The following AFF3 variants were observed in gnomAD, a reference collection of about 807,000 sequenced individuals.
The protein encoded by AFF3 is ALF transcription elongation factor 3.
AFF3 carries 32 observed loss-of-function variants against 129.7 expected under a neutral mutation model. That is an observed-to-expected ratio of 0.25 (90% CI 0.19 to 0.33). The LOEUF (loss-of-function observed/expected upper bound fraction) is 0.33, where lower values mean the gene tolerates loss of function less well. Ranked by LOEUF, AFF3 falls within the 10% of genes least tolerant of loss-of-function variation. The probability of loss-of-function intolerance (pLI) is 1.00; values close to 1 mark genes in which losing one functional copy is unlikely to be tolerated. For synonymous variants in AFF3, 644 were observed against 635.4 expected (o/e 1.01, Z -0.20); for missense variants, 1,373 against 1,592.0 (o/e 0.86, Z 2.34).
chr2:99,795,470 A>G (rs1685495552), intron 8 of AFF3, among the ~76,000 whole-genome samples: 1 of 152,148 alleles, frequency 6.6e-6, no homozygotes, highest in South Asian at 2.1e-4. Context: ...CAGATGGTGG[A>G]TACACTAAAC....
intron 8 of AFF3, among the ~76,000 whole-genome samples, chr2:99,779,224 G>A (rs566972430): frequency 6.6e-6 from 1 of 152,200 alleles, no homozygotes; most frequent in South Asian, 2.1e-4. Context: ...TTTGTTGGGT[G>A]TTTTTATCAT....
intron 11 of AFF3, among the ~76,000 whole-genome samples, chr2:99,674,438 C>T (rs1687436100): frequency 1.3e-5 from 2 of 152,178 alleles, no homozygotes; most frequent in South Asian, 4.1e-4. Context: ...GAGGCCCCTT[C>T]CCCAAGACTG....
chr2:99,891,152 G>A (rs944457195), intron 7 of AFF3, among the ~76,000 whole-genome samples: 3 of 152,102 alleles, frequency 2.0e-5, no homozygotes, highest in African/African-American at 7.2e-5. Context: ...TGAGTAAGTA[G>A]GTTTAGGATT....
intron 10 of AFF3, among the ~76,000 whole-genome samples, chr2:99,731,007 G>A (rs1450714653): frequency 1.3e-5 from 2 of 152,094 alleles, no homozygotes; most frequent in Non-Finnish European, 2.9e-5. Flanking sequence ...AGACTGGAGT[G>A]CAGTGGTGCA....
At chr2:100,066,617 G>C (rs766331222) in intron 4 of AFF3, among the ~76,000 whole-genome samples, 7 of 152,048 alleles carry the variant, frequency 4.6e-5, no homozygotes, top group Non-Finnish European at 8.8e-5. Flanking sequence ...CAGCAGTGAG[G>C]TTCTGGCAGA....
intron 8 of AFF3, among the ~76,000 whole-genome samples, chr2:99,812,579 C>T (rs1403635683): frequency 6.6e-6 from 1 of 152,160 alleles, no homozygotes; most frequent in African/African-American, 2.4e-5. Flanking sequence ...GAGGAAACTA[C>T]ATAAATGTAA....
Position 99,673,219 on chromosome 2 carries a change from A to G in AFF3, c.1092-630T>C, listed in dbSNP as rs117600135. 2.6e-3 allele frequency among the ~76,000 whole-genome samples: 403 copies of G among 152,122 alleles called. 8 individuals carry two copies. In the East Asian group the frequency reaches 0.052, roughly 20 times the overall value. ...GAGAAAAAGAGCCATAAAGCCATAA[A>G]CTTGAGTTGTGAGCGAAGCTTCTTA... On this transcript the variant is annotated intron_variant, in intron 11 of 24. Coordinates refer to ENST00000672756, the MANE Select transcript of AFF3 (RefSeq NM_001386135.1).
At chr2:99,698,386 G>T (rs1676511931) in intron 11 of AFF3, among the ~76,000 whole-genome samples, 1 of 152,178 alleles carries the variant, frequency 6.6e-6, no homozygotes, top group Non-Finnish European at 1.5e-5. Context: ...GCATTGGGGT[G>T]CTGGGGGGCT....
chr2:100,004,007 C>T (rs1316820872), intron 7 of AFF3, among the ~76,000 whole-genome samples: 2 of 151,868 alleles, frequency 1.3e-5, no homozygotes, highest in Non-Finnish European at 2.9e-5. Context: ...TCTCTCATTG[C>T]ATTGCACCTA....
chr2:99,651,286 G>C (rs1490420861), intron 12 of AFF3, among the ~76,000 whole-genome samples: 1 of 151,848 alleles, frequency 6.6e-6, no homozygotes, highest in Non-Finnish European at 1.5e-5. Flanking sequence ...TCTATCTCTG[G>C]GCCCAATGAG....
intron 7 of AFF3, among the ~76,000 whole-genome samples, chr2:99,875,797 T>C (rs1167725802): frequency 6.6e-6 from 1 of 152,186 alleles, no homozygotes; most frequent in East Asian, 1.9e-4. Flanking sequence ...CCTGGCTCAA[T>C]ATGGTCTCCC....
At chr2:99,893,740 A>G (rs1038407321) in intron 7 of AFF3, among the ~76,000 whole-genome samples, 5 of 152,186 alleles carry the variant, frequency 3.3e-5, no homozygotes, top group Non-Finnish European at 7.3e-5. Flanking sequence ...ATCAACTAAC[A>G]CTATTTGATT....
chr2:99,951,228 CATAAAGAGGATCATTTTTGCAAAA>C (rs1676135751), intron 7 of AFF3, among the ~76,000 whole-genome samples: 1 of 152,154 alleles, frequency 6.6e-6, no homozygotes, highest in African/African-American at 2.4e-5. Flanking sequence ...ATTTTGTATT[CATAAAGAGGATCATTTTTGCAAAA>C]ATAACTTACG....
intron 7 of AFF3, among the ~76,000 whole-genome samples, chr2:99,868,403 C>G (rs1199180149): frequency 6.6e-6 from 1 of 152,138 alleles, no homozygotes; most frequent in Non-Finnish European, 1.5e-5. Flanking sequence ...AATCCAACAT[C>G]AGGCCGGGAG....
In AFF3 at chr2:99,771,566, A is replaced by G. The variant is rs189743695; in HGVS notation, c.922-19265T>C. Among the ~76,000 whole-genome samples, 20 of 152,306 alleles carry G rather than the reference A, an allele frequency of 1.3e-4. No homozygotes were observed. In the East Asian group the frequency reaches 3.9e-3, roughly 29 times the overall value. On this transcript the variant is annotated intron_variant, in intron 8 of 24. Coordinates refer to ENST00000672756, the MANE Select transcript of AFF3 (RefSeq NM_001386135.1). Reference sequence around the variant, plus strand: ...ATTCTAGAGATGCAAAGTTCCAACAAAAGCATTTTAAAGGTCACCTTGTTT... The same window carrying G: ...ATTCTAGAGATGCAAAGTTCCAACAGAAGCATTTTAAAGGTCACCTTGTTT...
chr2:99,573,434 C>T (rs1055244360), intron 18 of AFF3, among the ~76,000 whole-genome samples: 1 of 152,158 alleles, frequency 6.6e-6, no homozygotes, highest in African/African-American at 2.4e-5. Flanking sequence ...TTTGAAAGGA[C>T]TAGGAGAGGA....
intron 4 of AFF3, among the ~76,000 whole-genome samples, chr2:100,069,867 C>CA (rs1158061290): frequency 6.6e-6 from 1 of 152,160 alleles, no homozygotes; most frequent in Middle Eastern, 3.2e-3. Flanking sequence ...ACTCCTCACT[C>CA]AAAAAAGTTT....
chr2:99,750,413 C>CTT (rs1491187155), intron 9 of AFF3, among the ~76,000 whole-genome samples: 2 of 10,216 alleles, frequency 2.0e-4, no homozygotes, highest in African/African-American at 4.8e-4. Context: ...TTTTTTTTTT[C>CTT]TTTTCTTTTT....
intron 11 of AFF3, among the ~76,000 whole-genome samples, chr2:99,712,671 C>T (rs1435544901): frequency 1.3e-5 from 2 of 152,178 alleles, no homozygotes; most frequent in Non-Finnish European, 2.9e-5. Flanking sequence ...CACACATTCA[C>T]AAAGGATACG....
Sources: allele counts gnomAD v4.1 joint callset (sites outside exome capture counted in the v4.1 genomes callset), GRCh38; gene constraint gnomAD v4.1.1; transcripts MANE v1.5; gene names NCBI Gene and HGNC (gene_info 2026-07-23, HGNC 2026-07-21).